Variants in DRC1 observed in about 807,000 individuals in gnomAD.
DRC1 encodes the protein dynein regulatory complex protein 1.
In DRC1, 74 loss-of-function variants were observed where a neutral mutation model predicts 98.7. The ratio of observed to expected loss-of-function variants is 0.75; its 90% CI spans 0.62 to 0.91. The LOEUF is 0.91. Among genes scored for constraint, DRC1 ranks in the 40% least tolerant of loss-of-function variants. The pLI, the probability that DRC1 is intolerant of heterozygous loss-of-function variation, is 0.00. For synonymous variants in DRC1, 336 were observed against 334.1 expected (o/e 1.01, Z -0.06); for missense variants, 875 against 886.0 (o/e 0.99, Z 0.16).
intron 2 of DRC1, 126 bp downstream of exon 2, chr2:26,414,557 A>G: frequency 1.2e-6 from 1 of 808,088 alleles, no homozygotes; most frequent in Non-Finnish European, 1.9e-6. Flanking sequence ...ACTGAATAGA[A>G]TCTTTCCCAT....
chr2:26,422,921 TAAA>T (rs748957985), intron 3 of DRC1, among the ~76,000 whole-genome samples: 1 of 129,642 alleles, frequency 7.7e-6, no homozygotes. Context: ...ACCTAGTCTT[TAAA>T]AAAAAAAAAA....
chr2:26,438,604 A>G (rs1663634521), intron 7 of DRC1, among the ~76,000 whole-genome samples: 2 of 152,332 alleles, frequency 1.3e-5, no homozygotes, highest in South Asian at 4.1e-4. Flanking sequence ...GACGCAGAAT[A>G]TCCTTGACTA....
intron 1 of DRC1, among the ~76,000 whole-genome samples, chr2:26,413,866 T>G (rs1678703805): frequency 6.6e-6 from 1 of 152,036 alleles, no homozygotes; most frequent in Admixed American, 6.5e-5. Context: ...TAAGATTATA[T>G]AGATATTCTC....
At chr2:26,436,708 C>T (rs577353659) in intron 7 of DRC1, among the ~76,000 whole-genome samples, 2 of 152,066 alleles carry the variant, frequency 1.3e-5, no homozygotes, top group Admixed American at 6.5e-5. Flanking sequence ...TTCACATGCT[C>T]TTGTTGTATT....
At chr2:26,435,519 C>T (rs532716962) in intron 7 of DRC1, among the ~76,000 whole-genome samples, 9 of 152,228 alleles carry the variant, frequency 5.9e-5, no homozygotes, top group East Asian at 1.9e-4. Flanking sequence ...TTTCATTACC[C>T]GGGTAATAAG....
intron 7 of DRC1, among the ~76,000 whole-genome samples, chr2:26,438,468 T>TTA (rs1276925752): frequency 6.6e-6 from 1 of 152,224 alleles, no homozygotes; most frequent in African/African-American, 2.4e-5. Flanking sequence ...GTAGGATTAG[T>TTA]TATGATCTCA....
intron 1 of DRC1, among the ~76,000 whole-genome samples, chr2:26,412,673 TA>T (rs1678654307): frequency 6.6e-6 from 1 of 152,144 alleles, no homozygotes. Flanking sequence ...ATGTAGAAAA[TA>T]GAACTTCTCA....
In DRC1 at chr2:26,424,423, A is replaced by T; in HGVS notation, c.509A>T (p.Asp170Val). The change falls in exon 4 of 17, where the codon GAT becomes GTT. Residue 170 changes from aspartate to valine, a missense_variant. Transcript: ENST00000288710. ...CTGCACTGTGCTGGACTCTTAGAAGATAAGAATAAACTCATCAGCGAGTTA... is the reference window on the plus strand; with the variant it reads ...CTGCACTGTGCTGGACTCTTAGAAGTTAAGAATAAACTCATCAGCGAGTTA... ...QQLHCAGLLE[D>V]KNKLISELQQ... The T allele has an allele frequency of 6.2e-7, 1 of 1,613,496 alleles. No individual in the cohort carries two copies.
intron 1 of DRC1, among the ~76,000 whole-genome samples, chr2:26,404,638 C>T (rs996190157): frequency 6.6e-5 from 10 of 152,178 alleles, no homozygotes; most frequent in Admixed American, 4.6e-4. Context: ...CCACCAACAC[C>T]CCTGGGTGGC....
intron 7 of DRC1, 57 bp from the exon 8 acceptor site, chr2:26,440,321 G>GTT (rs2147997907): frequency 3.6e-6 from 4 of 1,108,640 alleles, no homozygotes; most frequent in Non-Finnish European, 4.6e-6. Flanking sequence ...TAGTGTGTTT[G>GTT]TGTGTGTGTG....
At chr2:26,426,445 C>T (rs968508396) in intron 4 of DRC1, among the ~76,000 whole-genome samples, 7 of 151,494 alleles carry the variant, frequency 4.6e-5, no homozygotes, top group Admixed American at 2.6e-4. Context: ...CGGCTCACTG[C>T]AACCTCCGTC....
intron 1 of DRC1, among the ~76,000 whole-genome samples, chr2:26,406,519 G>A (rs1173136343): frequency 1.3e-5 from 2 of 152,192 alleles, no homozygotes; most frequent in African/African-American, 4.8e-5. Context: ...GACCAGCCTG[G>A]CCAACATAGT....
intron 1 of DRC1, among the ~76,000 whole-genome samples, chr2:26,402,367 C>G (rs1486482772): frequency 6.6e-6 from 1 of 152,202 alleles, no homozygotes; most frequent in Non-Finnish European, 1.5e-5. Context: ...ACCTGGGCAG[C>G]ATAGAGAGAC....
chr2:26,411,995 C>T (rs550795553), intron 1 of DRC1, among the ~76,000 whole-genome samples: 143 of 151,936 alleles, frequency 9.4e-4, no homozygotes, highest in Middle Eastern at 3.4e-3. Flanking sequence ...ATAAGCCTGG[C>T]AATAGCTGAA....
chr2:26,435,252 C>T (rs1025349728), intron 7 of DRC1, among the ~76,000 whole-genome samples: 1 of 152,118 alleles, frequency 6.6e-6, no homozygotes, highest in Admixed American at 6.5e-5. Context: ...CTACCTTTAC[C>T]GTAGAAGGAC....
chr2:26,429,945 G>C (rs1032828558), intron 5 of DRC1, among the ~76,000 whole-genome samples, 180 bp downstream of exon 5: 31 of 152,194 alleles, frequency 2.0e-4, no homozygotes, highest in Admixed American at 2.0e-3. Context: ...TACATATCAA[G>C]TGTCTACTAT....
intron 14 of DRC1, 65 bp downstream of exon 14, chr2:26,453,614 C>T: frequency 3.3e-5 from 48 of 1,475,668 alleles, no homozygotes; most frequent in Non-Finnish European, 4.4e-5. Flanking sequence ...GGCTGGGGAG[C>T]CAGGCAGAGC....
At chr2:26,403,795 CAA>C (rs397870483) in intron 1 of DRC1, among the ~76,000 whole-genome samples, 12 of 77,216 alleles carry the variant, frequency 1.6e-4, no homozygotes, top group African/African-American at 1.8e-4. Context: ...AACTCCATCT[CAA>C]AAAAAAAAAA....
At position 26,450,177 on chromosome 2, in the gene DRC1, C is replaced by T. The variant is rs1378309491; in HGVS notation, c.1599+92C>T. Reference sequence around the variant, plus strand: ...CCATTGCCTCAACCCTGGCAGTGGACGAGGGTCTCCCGGGGCTTCCCCTGC... The same window carrying T: ...CCATTGCCTCAACCCTGGCAGTGGATGAGGGTCTCCCGGGGCTTCCCCTGC... On this transcript the variant is annotated intron_variant, in intron 12 of 16. Coordinates refer to ENST00000288710, the MANE Select transcript of DRC1 (RefSeq NM_145038.5). 1.3e-5 allele frequency: 16 copies of T among 1,250,662 alleles called. 1 individual carries two copies. Among genetic ancestry groups the T allele is most frequent in the African/African-American group, 5.9e-5 (4 of 67,426 alleles). The allele number at this position is 1,250,662 out of a possible 1,614,324, so 77.5% of individuals were successfully genotyped here. A position where few individuals can be genotyped will look rare whatever the true frequency, so the allele number is the denominator to read the frequency against.
Sources: allele counts gnomAD v4.1 joint callset (sites outside exome capture counted in the v4.1 genomes callset), GRCh38; gene constraint gnomAD v4.1.1; transcripts MANE v1.5; gene names NCBI Gene and HGNC (gene_info 2026-07-23, HGNC 2026-07-21).